KCNG2: variants seen among roughly 807,000 people sequenced by gnomAD.
KCNG2 encodes voltage-gated potassium channel regulatory subunit KCNG2.
A neutral mutation model predicts 12.3 loss-of-function variants in KCNG2; 7 were observed. The ratio of observed to expected loss-of-function variants is 0.57; its 90% CI spans 0.32 to 1.07. KCNG2 has a LOEUF of 1.07. Ranked by LOEUF, KCNG2 falls within the 50% of genes least tolerant of loss-of-function variation. KCNG2 has a pLI of 0.04. For missense variants in KCNG2, 703 were observed against 726.0 expected, an observed-to-expected ratio of 0.97 and a Z score of 0.36; for synonymous variants, 414 against 351.4, an observed-to-expected ratio of 1.18 and a Z score of -1.99.
At chr18:79,823,397 G>A (rs1042011793) in intron 1 of KCNG2, among the ~76,000 whole-genome samples, 3 of 152,160 alleles carry the variant, frequency 2.0e-5, no homozygotes, top group African/African-American at 4.8e-5. Context: ...GCCGGATGTT[G>A]CCACATTCCT....
In KCNG2 at chr18:79,884,559, C is replaced by A. The variant is rs996076251; in HGVS notation, c.625-14481C>A. On this transcript the variant is annotated intron_variant, in intron 3 of 3. Transcript: ENST00000316249. This position sits in a 1 kb window ranked among gnomAD's most constrained non-coding sequence, Gnocchi z 5.5. Reference sequence around the variant, plus strand: ...GAGCAGGGCTGGGTCTGGGCCTGGGCCTGGGCGTGGCAGCTCCCCAGGCCC... The same window carrying A: ...GAGCAGGGCTGGGTCTGGGCCTGGGACTGGGCGTGGCAGCTCCCCAGGCCC... Among the ~76,000 whole-genome samples the A allele has an allele frequency of 6.6e-6, 1 of 152,064 alleles. No homozygotes were observed. Among genetic ancestry groups the A allele is most frequent in the African/African-American group, 2.4e-5 (1 of 41,418 alleles).
intron 1 of KCNG2, among the ~76,000 whole-genome samples, chr18:79,819,471 C>A (rs2087555040): frequency 6.6e-6 from 1 of 152,238 alleles, no homozygotes; most frequent in Admixed American, 6.5e-5. Context: ...GGGCACCGGA[C>A]CCTCCTGGCA....
At chr18:79,823,957 G>T (rs1005792096) in intron 1 of KCNG2, among the ~76,000 whole-genome samples, 3 of 152,146 alleles carry the variant, frequency 2.0e-5, no homozygotes, top group Non-Finnish European at 4.4e-5. Context: ...TGTGAAATTT[G>T]TTCCTACATG....
intron 3 of KCNG2, among the ~76,000 whole-genome samples, chr18:79,888,474 CCGGGACGGCGGCGTCCTCCTCA>C: frequency 8.5e-6 from 1 of 117,238 alleles, no homozygotes; most frequent in Non-Finnish European, 2.0e-5. Context: ...CGCGGTGGGG[CCGGGACGGCGGCGTCCTCCTCA>C]TGAGGCCGCG....
chr18:79,873,592 G>A (rs1488078780), intron 3 of KCNG2, among the ~76,000 whole-genome samples: 2 of 152,138 alleles, frequency 1.3e-5, no homozygotes, highest in African/African-American at 2.4e-5. Flanking sequence ...CGTTTTCCTG[G>A]GAGCTGGCCC....
intron 1 of KCNG2, among the ~76,000 whole-genome samples, chr18:79,827,926 TC>T (rs1339710209): frequency 8.5e-6 from 1 of 117,170 alleles, no homozygotes; most frequent in Non-Finnish European, 1.9e-5. Flanking sequence ...TTTCTTTCTT[TC>T]TTTTTTTTTT....
chr18:79,856,165 G>T (rs1979002323), intron 1 of KCNG2, among the ~76,000 whole-genome samples: 1 of 152,186 alleles, frequency 6.6e-6, no homozygotes, highest in Admixed American at 6.5e-5. Context: ...GGTTATACCT[G>T]ATTATCCACT....
At chr18:79,857,673 C>T (rs967769396) in intron 2 of KCNG2, among the ~76,000 whole-genome samples, 5 of 151,880 alleles carry the variant, frequency 3.3e-5, no homozygotes, top group Non-Finnish European at 7.4e-5. Context: ...TTGACGTTGG[C>T]GGTGGAAGGC....
chr18:79,882,835 ACACCTGCGCGTGGAGCGCGGAGG>A (rs1980362111), intron 3 of KCNG2, among the ~76,000 whole-genome samples: 2 of 151,182 alleles, frequency 1.3e-5, no homozygotes, highest in Admixed American at 1.3e-4. Context: ...GAGGCCGGGT[ACACCTGCGCGTGGAGCGCGGAGG>A]CCGGGTACAC....
intron 3 of KCNG2, among the ~76,000 whole-genome samples, chr18:79,881,171 A>G (rs1467011247): frequency 6.6e-6 from 1 of 152,254 alleles, no homozygotes; most frequent in Non-Finnish European, 1.5e-5. Flanking sequence ...ATATGTAGAA[A>G]CACGCTGTCC....
intron 1 of KCNG2, among the ~76,000 whole-genome samples, chr18:79,847,065 AAGCAT>A (rs1978652379): frequency 6.6e-6 from 1 of 152,234 alleles, no homozygotes; most frequent in Non-Finnish European, 1.5e-5. Context: ...CGGCTGATGA[AAGCAT>A]TTATCTGCAA....
At chr18:79,829,051 GTA>G (rs1978289015) in intron 1 of KCNG2, among the ~76,000 whole-genome samples, 1 of 95,478 alleles carries the variant, frequency 1.0e-5, no homozygotes, top group African/African-American at 3.2e-5. Context: ...GTGCGTGTGT[GTA>G]ACGTGTCTGT....
intron 2 of KCNG2, among the ~76,000 whole-genome samples, chr18:79,858,013 T>A (rs1323655938): frequency 6.6e-6 from 1 of 152,192 alleles, no homozygotes; most frequent in East Asian, 1.9e-4. Flanking sequence ...TTATTTATTT[T>A]ATTTTTTGAG....
At position 79,884,761 on chromosome 18, in the gene KCNG2, C is replaced by CG. The variant is rs1194157421; in HGVS notation, c.625-14272dup. Among the ~76,000 whole-genome samples, 17 of 152,114 alleles carry CG rather than the reference C, an allele frequency of 1.1e-4. No homozygotes were observed. The highest frequency in any genetic ancestry group is 2.7e-4 in the African/African-American group (11 of 41,416). On this transcript the variant is annotated intron_variant, in intron 3 of 3. Coordinates refer to ENST00000316249, the MANE Select transcript of KCNG2 (RefSeq NM_012283.2). The surrounding 1 kb of genome is among the most constrained non-coding windows in gnomAD (Gnocchi z 5.5). ...GGGGTCCGCCCGGCTCTGTGTTCCT[C>CG]GGGGGGGCTCATCCTGGGGCCCAGG...
At chr18:79,865,261 G>T (rs1212381516) in intron 3 of KCNG2, among the ~76,000 whole-genome samples, 29 of 133,968 alleles carry the variant, frequency 2.2e-4, no homozygotes, top group African/African-American at 5.8e-4. Context: ...CTGAGGTCTG[G>T]GTGCTGAGGT....
rs1182216317 is a variant in KCNG2 at position 79,898,990 on chromosome 18, G to C, written c.625-50G>C. On this transcript the variant is annotated intron_variant, in intron 3 of 3. Coordinates refer to ENST00000316249, the MANE Select transcript of KCNG2 (RefSeq NM_012283.2). Reference sequence around the variant, plus strand: ...GGGAAAGGAAGGGCAAGGCGCCCCCGGCCCTCCAAGAGGCCTGCGCCCCCA... The same window carrying C: ...GGGAAAGGAAGGGCAAGGCGCCCCCCGCCCTCCAAGAGGCCTGCGCCCCCA... The C allele has an allele frequency of 4.4e-6, 6 of 1,361,552 alleles. No homozygotes were observed. In the African/African-American group the frequency reaches 6.0e-5, roughly 14 times the overall value. 84.3% of individuals were successfully genotyped at this position (1,361,552 alleles called of 1,614,324 possible).
chr18:79,855,117 T>C (rs1307510005), intron 1 of KCNG2, among the ~76,000 whole-genome samples: 1 of 152,246 alleles, frequency 6.6e-6, no homozygotes, highest in Non-Finnish European at 1.5e-5. Flanking sequence ...TCTGTAATTC[T>C]ATTTTCTAAA....
chr18:79,822,477 T>A lies in KCNG2; in HGVS notation c.-115+24463T>A, dbSNP rs2123007058. Among the ~76,000 whole-genome samples, 1 of 152,272 alleles carries A rather than the reference T, an allele frequency of 6.6e-6. No homozygotes were observed. Among genetic ancestry groups the A allele is most frequent in the Non-Finnish European group, 1.5e-5 (1 of 68,016 alleles). On this transcript the variant is annotated intron_variant, in intron 1 of 3. Transcript: ENST00000316249. The surrounding 1 kb of genome is among the most constrained non-coding windows in gnomAD (Gnocchi z 4.4). ...TTTTTTGAGACAGGGTCTCACTCTG[T>A]CCCCCAGGCTGGAGTGTAGTGTTGC...
rs1979345130 is a variant in KCNG2 at position 79,864,060 on chromosome 18, C to T, written c.393C>T (p.Ala131=). The T allele has an allele frequency of 1.8e-6, 2 of 1,097,738 alleles. No individual in the cohort carries two copies. The highest frequency in any genetic ancestry group is 3.4e-5 in the African/African-American group (2 of 58,838). The allele number at this position is 1,097,738 out of a possible 1,614,324, so 68.0% of individuals were successfully genotyped here. Residue 131 remains alanine (A), a synonymous_variant, in exon 3 of 4, where the codon GCC becomes GCT. Coordinates refer to ENST00000316249, the MANE Select transcript of KCNG2 (RefSeq NM_012283.2). The stretch of plus-strand genomic sequence containing the variant: ...TGCGCCGCCGCGAGGAGGAGGCGGC[C>T]GAGGCCCGCGCGGGGCCGACGGAGC... ...RRLRRREEEA[A]EARAGPTERG...
Sources: gnomAD v4.1 joint callset for allele counts (sites outside exome capture counted in the v4.1 genomes callset) on GRCh38, gnomAD v4.1.1 for gene constraint, Gnocchi (gnomAD v3.1) non-coding constraint, MANE v1.5 for transcripts, NCBI Gene and HGNC (gene_info 2026-07-23, HGNC 2026-07-21) for gene names.